Variants in MYO6 observed in about 807,000 individuals in gnomAD.
MYO6 encodes the protein unconventional myosin-VI.
Under a neutral mutation model 178.7 loss-of-function variants are expected in MYO6, and 74 were observed. The ratio of observed to expected loss-of-function variants is 0.41; its 90% CI spans 0.34 to 0.50. The LOEUF is 0.50. Among genes scored for constraint, MYO6 ranks in the 20% least tolerant of loss-of-function variants. The pLI, the probability that MYO6 is intolerant of heterozygous loss-of-function variation, is 0.09. For missense variants in MYO6, 1,330 were observed against 1,547.4 expected (o/e 0.86, Z 2.36); for synonymous variants, 477 against 504.6 (o/e 0.95, Z 0.73).
rs1777936657 is a variant in MYO6 at position 75,880,653 on chromosome 6, A to G, written c.2286+533A>G. Among the ~76,000 whole-genome samples the G allele has an allele frequency of 2.0e-5, 3 of 152,346 alleles. No individual in the cohort carries two copies. In the South Asian group the frequency reaches 6.2e-4, roughly 32 times the overall value. On this transcript the variant is annotated intron_variant, in intron 22 of 34. Coordinates refer to ENST00000369977, the MANE Select transcript of MYO6 (RefSeq NM_004999.4). ...GAACTAATAGTCTCATAGAGAAAGC[A>G]CTTTTTCTTGTTTAAACTCCTGAAA...
intron 1 of MYO6, among the ~76,000 whole-genome samples, chr6:75,756,655 G>C (rs376038431): frequency 1.1e-4 from 16 of 152,160 alleles, no homozygotes; most frequent in African/African-American, 3.4e-4. Flanking sequence ...TGTTTATTGA[G>C]CTTTTACTAC....
intron 1 of MYO6, among the ~76,000 whole-genome samples, chr6:75,817,180 C>T (rs1771346337): frequency 6.6e-6 from 1 of 151,986 alleles, no homozygotes; most frequent in Non-Finnish European, 1.5e-5. Context: ...TGGCAGATGC[C>T]TGTAATCCCA....
At chr6:75,857,031 C>A in intron 12 of MYO6, 66 bp from the exon 13 acceptor site, 1 of 1,471,146 alleles carries the variant, frequency 6.8e-7, no homozygotes, top group Non-Finnish European at 9.5e-7. Context: ...TGTTTAGGTG[C>A]ACTCTGTGGC....
chr6:75,877,429 GC>G (rs1777651855), intron 20 of MYO6, among the ~76,000 whole-genome samples: 1 of 151,944 alleles, frequency 6.6e-6, no homozygotes, highest in Non-Finnish European at 1.5e-5. Flanking sequence ...ACCACACCCG[GC>G]TAATTCTTGT....
chr6:75,861,150 T>C, intron 15 of MYO6, 55 bp downstream of exon 15: 1 of 1,322,932 alleles, frequency 7.6e-7, no homozygotes, highest in Non-Finnish European at 1.1e-6. Context: ...AGTGAATGTG[T>C]TTAGTGCTTT....
At chr6:75,887,844 T>TG (rs920992148) in intron 25 of MYO6, among the ~76,000 whole-genome samples, 3 of 147,428 alleles carry the variant, frequency 2.0e-5, no homozygotes, top group African/African-American at 7.5e-5. Flanking sequence ...CCAGGCGTGA[T>TG]GGGGGGCACC....
chr6:75,890,989 C>G (rs909089515), intron 26 of MYO6, among the ~76,000 whole-genome samples: 4 of 152,124 alleles, frequency 2.6e-5, no homozygotes, highest in Non-Finnish European at 4.4e-5. Flanking sequence ...GGCTTTGTAA[C>G]CACATTCATC....
chr6:75,808,514 ATATG>A (rs1454801111), intron 1 of MYO6, among the ~76,000 whole-genome samples: 1 of 152,208 alleles, frequency 6.6e-6, no homozygotes, highest in Admixed American at 6.5e-5. Context: ...AGGCTTAAAC[ATATG>A]AATTTGGGGG....
At chr6:75,821,019 G>T (rs1298382100) in intron 2 of MYO6, among the ~76,000 whole-genome samples, 1 of 152,142 alleles carries the variant, frequency 6.6e-6, no homozygotes, top group Admixed American at 6.5e-5. Flanking sequence ...GCAGAAAAAA[G>T]CCTCCTTCTT....
intron 1 of MYO6, among the ~76,000 whole-genome samples, chr6:75,794,659 G>A (rs998333644): frequency 1.3e-5 from 2 of 150,790 alleles, no homozygotes; most frequent in Non-Finnish European, 1.5e-5. Flanking sequence ...CAGAATAATA[G>A]CTGGCAGTAG....
chr6:75,828,182 T>G (rs1772671568), intron 3 of MYO6, among the ~76,000 whole-genome samples: 1 of 152,206 alleles, frequency 6.6e-6, no homozygotes, highest in South Asian at 2.1e-4. Flanking sequence ...CAGATTGGAT[T>G]GGTGTCATCA....
At chr6:75,907,814 G>T in intron 31 of MYO6, 106 bp downstream of exon 31, 1 of 796,442 alleles carries the variant, frequency 1.3e-6, no homozygotes, top group Non-Finnish European at 2.1e-6. Flanking sequence ...GTGTGTGTGT[G>T]TGTATGTGTG....
chr6:75,829,201 A>G (rs1772814497), intron 4 of MYO6, among the ~76,000 whole-genome samples: 3 of 152,124 alleles, frequency 2.0e-5, no homozygotes, highest in South Asian at 4.1e-4. Context: ...AATGAAAGAA[A>G]ATGCTTTCAG....
chr6:75,843,845 C>T (rs1342149791), intron 9 of MYO6, among the ~76,000 whole-genome samples: 1 of 151,648 alleles, frequency 6.6e-6, no homozygotes, highest in Non-Finnish European at 1.5e-5. Flanking sequence ...AAGATAGAGG[C>T]ATTGATTGTC....
chr6:75,769,914 A>AG (rs1175593407), intron 1 of MYO6, among the ~76,000 whole-genome samples: 5 of 152,062 alleles, frequency 3.3e-5, no homozygotes, highest in African/African-American at 1.2e-4. Flanking sequence ...GAAAAAAAAA[A>AG]AGAATAGAGT....
intron 1 of MYO6, among the ~76,000 whole-genome samples, chr6:75,795,154 G>A (rs1484970300): frequency 1.3e-5 from 2 of 152,192 alleles, no homozygotes; most frequent in African/African-American, 4.8e-5. Flanking sequence ...AAAGTTGTTA[G>A]TGTAAAGACT....
chr6:75,838,519 T>G (rs758744860), intron 7 of MYO6, among the ~76,000 whole-genome samples: 2 of 152,182 alleles, frequency 1.3e-5, no homozygotes, highest in Non-Finnish European at 2.9e-5. Flanking sequence ...TTTGGGATAT[T>G]TTACTTGTAT....
intron 2 of MYO6, among the ~76,000 whole-genome samples, chr6:75,820,718 C>G (rs1771782985): frequency 6.6e-6 from 1 of 152,090 alleles, no homozygotes; most frequent in South Asian, 2.1e-4. Flanking sequence ...TCTTTTAAGA[C>G]TCTGATTGAG....
chr6:75,851,341 A>G (rs188692103), intron 11 of MYO6, among the ~76,000 whole-genome samples: 7 of 152,366 alleles, frequency 4.6e-5, no homozygotes, highest in Non-Finnish European at 7.4e-5. Context: ...GGGAATCAAT[A>G]AGATTAATAT....
Sources: gnomAD v4.1 joint callset for allele counts (sites outside exome capture counted in the v4.1 genomes callset) on GRCh38, gnomAD v4.1.1 for gene constraint, MANE v1.5 for transcripts, NCBI Gene and HGNC (gene_info 2026-07-23, HGNC 2026-07-21) for gene names.